LMO7: variants seen among roughly 807,000 people sequenced by gnomAD.
LMO7 encodes the protein LIM domain 7.
Under a neutral mutation model 206.5 loss-of-function variants are expected in LMO7, and 120 were observed. The ratio of observed to expected loss-of-function variants is 0.58; its 90% CI spans 0.50 to 0.68. LMO7 has a LOEUF of 0.68. Among genes scored for constraint, LMO7 ranks in the 30% least tolerant of loss-of-function variants. The pLI is 0.00. For synonymous variants in LMO7, 706 were observed against 681.5 expected (o/e 1.04, Z -0.56); for missense variants, 1,959 against 1,957.9 (o/e 1.00, Z -0.01).
rs1191876298 is a variant in LMO7 at position 75,859,141 on chromosome 13, T to TA, written c.*1199dup. 1 of 152,204 alleles carries TA rather than the reference T, an allele frequency of 6.6e-6. No homozygotes were observed. The highest frequency in any genetic ancestry group is 1.5e-5 in the Non-Finnish European group (1 of 68,028). 9.4% of individuals were successfully genotyped at this position (152,204 alleles called of 1,614,324 possible). On this transcript the variant is annotated 3_prime_UTR_variant, in exon 31 of 31. Transcript: ENST00000377534. Reference sequence around the variant, plus strand: ...CATGCTTTGAGCAAAAATTTAAACTTACTGGAATCTTTTATAATAATGTAA... The same window carrying TA: ...CATGCTTTGAGCAAAAATTTAAACTTAACTGGAATCTTTTATAATAATGTAA...
chr13:75,782,139 C>T (rs1332370455), intron 4 of LMO7, among the ~76,000 whole-genome samples: 1 of 152,064 alleles, frequency 6.6e-6, no homozygotes, highest in Non-Finnish European at 1.5e-5. Context: ...TAATTAGATC[C>T]CATTTGTCAA....
chr13:75,737,772 T>TG (rs1297459603), intron 3 of LMO7, among the ~76,000 whole-genome samples: 49 of 5,802 alleles, frequency 8.4e-3, no homozygotes, highest in East Asian at 0.016. Context: ...AAAAATAAAA[T>TG]AAAATAAAAT....
At chr13:75,795,521 A>G in intron 5 of LMO7, 90 bp downstream of exon 5, 3 of 850,446 alleles carry the variant, frequency 3.5e-6, no homozygotes, top group Non-Finnish European at 5.7e-6. Flanking sequence ...TATACTCTAC[A>G]TCTCTTTTCT....
chr13:75,662,151 G>A (rs776643243), intron 1 of LMO7, among the ~76,000 whole-genome samples: 1 of 152,092 alleles, frequency 6.6e-6, no homozygotes, highest in Admixed American at 6.6e-5. Context: ...TGTTCATTAT[G>A]TGATACTCAA....
intron 4 of LMO7, among the ~76,000 whole-genome samples, chr13:75,777,901 T>C (rs2050752677): frequency 6.6e-6 from 1 of 152,122 alleles, no homozygotes; most frequent in Admixed American, 6.5e-5. Context: ...CGCCTCGGCC[T>C]CCCAAAGTGC....
Position 75,743,900 on chromosome 13 carries a change from A to G in LMO7, c.210+16802A>G, listed in dbSNP as rs59513386. Among the ~76,000 whole-genome samples the G allele has an allele frequency of 7.0e-3, 1,069 of 152,334 alleles. 18 individuals are homozygous for G. The highest frequency in any genetic ancestry group is 0.025 in the African/African-American group (1,033 of 41,582). On this transcript the variant is annotated intron_variant, in intron 3 of 30. Transcript: ENST00000377534. ...AAAAAATGACATTTTTCAAGGTTGTATATTAATTTAAGTAATTTTTTTGTA... is the reference window on the plus strand; with the variant it reads ...AAAAAATGACATTTTTCAAGGTTGTGTATTAATTTAAGTAATTTTTTTGTA...
intron 30 of LMO7, chr13:75,857,155 GAA>G (rs796400239): frequency 6.6e-5 from 10 of 152,166 alleles, no homozygotes; most frequent in African/African-American, 2.4e-4. Flanking sequence ...GTCATTTTTG[GAA>G]AAAATGAGTT....
chr13:75,661,916 G>A (rs1161831524), intron 1 of LMO7, among the ~76,000 whole-genome samples: 1 of 152,028 alleles, frequency 6.6e-6, no homozygotes, highest in Non-Finnish European at 1.5e-5. Context: ...CTGCTTTTCT[G>A]TTGCTAGCAA....
At chr13:75,827,186 G>A (rs1315376286) in intron 15 of LMO7, among the ~76,000 whole-genome samples, 2 of 152,104 alleles carry the variant, frequency 1.3e-5, no homozygotes, top group African/African-American at 2.4e-5. Context: ...GACTTGAACT[G>A]CATTCAAGGC....
intron 3 of LMO7, among the ~76,000 whole-genome samples, chr13:75,737,842 C>CA (rs768622923): frequency 0.17 from 6,522 of 37,644 alleles, 983 homozygotes; most frequent in East Asian, 0.33. Context: ...AGGAAGCTGC[C>CA]AAAAAAAAAA....
upstream of LMO7, chr13:75,636,243 C>G: frequency 1.0e-6 from 1 of 985,890 alleles, no homozygotes; most frequent in Non-Finnish European, 1.2e-6. Context: ...GAAGCGGCGA[C>G]TCGGCGGGCC....
intron 1 of LMO7, among the ~76,000 whole-genome samples, chr13:75,703,739 T>TGTGTGTGCGCGC (rs57290262): frequency 3.0e-4 from 46 of 151,790 alleles, no homozygotes; most frequent in African/African-American, 1.1e-3. Flanking sequence ...TGTGTGTGTG[T>TGTGTGTGCGCGC]GCACTGTGAG....
At chr13:75,746,947 T>A (rs2046889286) in intron 3 of LMO7, among the ~76,000 whole-genome samples, 1 of 152,064 alleles carries the variant, frequency 6.6e-6, no homozygotes, top group South Asian at 2.1e-4. Context: ...TAGTTGGCCT[T>A]AGGACTTTGT....
chr13:75,710,132 G>A (rs1447610231), intron 1 of LMO7, among the ~76,000 whole-genome samples: 1 of 152,058 alleles, frequency 6.6e-6, no homozygotes, highest in Non-Finnish European at 1.5e-5. Context: ...TATTTCTGAG[G>A]GCTCTGTTCT....
intron 1 of LMO7, among the ~76,000 whole-genome samples, chr13:75,682,863 T>G (rs944217808): frequency 6.6e-6 from 1 of 152,170 alleles, no homozygotes; most frequent in Non-Finnish European, 1.5e-5. Context: ...ATACTAAAAA[T>G]TGAGTCTTTT....
chr13:75,789,279 G>C (rs1022500699), intron 4 of LMO7, among the ~76,000 whole-genome samples: 1 of 152,158 alleles, frequency 6.6e-6, no homozygotes, highest in Non-Finnish European at 1.5e-5. Flanking sequence ...CAGGATAGGG[G>C]CTGGGATTTG....
At chr13:75,845,207 A>G (rs941905519) in intron 25 of LMO7, 120 bp from the exon 26 acceptor site, 7 of 516,476 alleles carry the variant, frequency 1.4e-5, no homozygotes, top group African/African-American at 2.0e-5. Flanking sequence ...AATTGCTCTC[A>G]GCAGACACAG....
chr13:75,642,441 C>T (rs1458640685), intron 1 of LMO7, among the ~76,000 whole-genome samples: 1 of 57,470 alleles, frequency 1.7e-5, no homozygotes, highest in Non-Finnish European at 3.2e-5. Context: ...CCCATCTCTA[C>T]CAAAAAAAAA....
chr13:75,821,205 C>A lies in LMO7; in HGVS notation c.2236C>A (p.Pro746Thr). The A allele has an allele frequency of 6.2e-7, 1 of 1,609,688 alleles. No homozygotes were observed. Among genetic ancestry groups the A allele is most frequent in the Non-Finnish European group, 8.5e-7 (1 of 1,178,590 alleles). Residue 746 changes from proline to threonine, a missense_variant, in exon 14 of 31, where the codon CCG becomes ACG. Physicochemically the swap from Pro to Thr is conservative, Grantham distance 38. Transcript: ENST00000377534. ...RESQNQKSTV[P>T]SRRRMYSFDD... is the part of the protein sequence containing the mutation. ...ATCCCAAAATCAAAAGTCTACAGTT[C>A]CGTCAAGAAGGAGAATGTATTCTTT... is the stretch of plus-strand genomic sequence containing the variant.
Sources: allele counts gnomAD v4.1 joint callset (sites outside exome capture counted in the v4.1 genomes callset), GRCh38; gene constraint gnomAD v4.1.1; transcripts MANE v1.5; gene names NCBI Gene and HGNC (gene_info 2026-07-23, HGNC 2026-07-21).